The following HECW1 variants were observed in gnomAD, a reference collection of about 807,000 sequenced individuals.
HECW1 encodes HECT, C2 and WW domain containing E3 ubiquitin protein ligase 1.
In HECW1, 61 loss-of-function variants were observed where a neutral mutation model predicts 182.3. The observed-to-expected ratio is 0.33, with a 90% confidence interval of 0.27 to 0.41. The LOEUF (loss-of-function observed/expected upper bound fraction) is 0.41, where lower values mean the gene tolerates loss of function less well. Ranked by LOEUF, HECW1 falls within the 10% of genes least tolerant of loss-of-function variation. The pLI is 1.00. For missense variants in HECW1, 1,739 were observed against 2,108.9 expected (o/e 0.82, Z 3.44); for synonymous variants, 859 against 832.6 (o/e 1.03, Z -0.55).
intron 3 of HECW1, among the ~76,000 whole-genome samples, chr7:43,272,200 G>A (rs1802488590): frequency 6.6e-6 from 1 of 152,022 alleles, no homozygotes; most frequent in Non-Finnish European, 1.5e-5. Context: ...ACTCAAGATG[G>A]ATTAAAGATT....
At chr7:43,440,331 T>G (rs1199888743) in intron 9 of HECW1, 1 of 152,420 alleles carries the variant, frequency 6.6e-6, no homozygotes, top group Non-Finnish European at 1.5e-5. Context: ...TGGGCACACA[T>G]GCACTCTCAT....
chr7:43,275,973 T>C (rs1238122391), intron 3 of HECW1, among the ~76,000 whole-genome samples: 1 of 152,204 alleles, frequency 6.6e-6, no homozygotes, highest in Non-Finnish European at 1.5e-5. Flanking sequence ...TTATAGTGTA[T>C]GGCATTCAAT....
At chr7:43,319,585 TC>T (rs1263325126) in intron 4 of HECW1, among the ~76,000 whole-genome samples, 4 of 106,176 alleles carry the variant, frequency 3.8e-5, no homozygotes, top group African/African-American at 1.6e-4. Flanking sequence ...CCTGTTCTTT[TC>T]CTTTCTTTTC....
chr7:43,372,975 C>A (rs1420692452), intron 6 of HECW1, among the ~76,000 whole-genome samples: 1 of 152,084 alleles, frequency 6.6e-6, no homozygotes, highest in African/African-American at 2.4e-5. Flanking sequence ...AAAGACAAAA[C>A]CAATCAATAC....
At chr7:43,235,969 A>C (rs990944129) in intron 2 of HECW1, among the ~76,000 whole-genome samples, 1 of 151,832 alleles carries the variant, frequency 6.6e-6, no homozygotes, top group Non-Finnish European at 1.5e-5. Context: ...GGGGAGGATC[A>C]CTTGAGCCCA....
At chr7:43,391,207 C>T (rs1166048981) in intron 6 of HECW1, among the ~76,000 whole-genome samples, 1 of 152,180 alleles carries the variant, frequency 6.6e-6, no homozygotes, top group Non-Finnish European at 1.5e-5. Context: ...GGTGAATGCA[C>T]ACTTACACGT....
chr7:43,257,480 G>A (rs1264755628), intron 3 of HECW1, among the ~76,000 whole-genome samples: 9 of 152,098 alleles, frequency 5.9e-5, no homozygotes, highest in Non-Finnish European at 1.2e-4. Context: ...ATTAGGGCCC[G>A]AAGCAAGAGG....
chr7:43,443,193 G>C (rs1209207195), intron 10 of HECW1, among the ~76,000 whole-genome samples: 1 of 152,076 alleles, frequency 6.6e-6, no homozygotes, highest in Admixed American at 6.5e-5. Context: ...TTTTATTTTT[G>C]CTCTTCTTCT....
chr7:43,541,377 G>A, intron 25 of HECW1, 116 bp downstream of exon 25: 1 of 744,372 alleles, frequency 1.3e-6, no homozygotes, highest in Non-Finnish European at 2.4e-6. Context: ...TTCCTGTTAG[G>A]GTTATGGTGG....
intron 2 of HECW1, among the ~76,000 whole-genome samples, chr7:43,144,178 G>A (rs1788457439): frequency 6.6e-6 from 1 of 152,208 alleles, no homozygotes; most frequent in African/African-American, 2.4e-5. Flanking sequence ...TTTATAGAAT[G>A]TTCCTTCATT....
At chr7:43,313,976 G>A (rs1447345019) in intron 4 of HECW1, among the ~76,000 whole-genome samples, 1 of 152,032 alleles carries the variant, frequency 6.6e-6, no homozygotes, top group Non-Finnish European at 1.5e-5. Context: ...TTTGGTTTTG[G>A]TTTGTTTTTT....
At chr7:43,492,040 A>G (rs767960436) in intron 17 of HECW1, 35 bp from the exon 18 acceptor site, 11 of 1,491,600 alleles carry the variant, frequency 7.4e-6, no homozygotes, top group Non-Finnish European at 9.3e-6. Flanking sequence ...AATTGATACA[A>G]ATTTCTAATG....
intron 21 of HECW1, among the ~76,000 whole-genome samples, chr7:43,506,775 A>C (rs1180773363): frequency 1.3e-5 from 2 of 152,072 alleles, no homozygotes; most frequent in Non-Finnish European, 1.5e-5. Flanking sequence ...TACAAAAATT[A>C]ACAAAAATTA....
chr7:43,157,198 A>G (rs1256306066), intron 2 of HECW1, among the ~76,000 whole-genome samples: 1 of 152,204 alleles, frequency 6.6e-6, no homozygotes, highest in East Asian at 1.9e-4. Context: ...GGACACATTA[A>G]ACATTGTGGG....
At chr7:43,499,815 C>CA (rs952296111) in intron 19 of HECW1, among the ~76,000 whole-genome samples, 22 of 151,988 alleles carry the variant, frequency 1.4e-4, no homozygotes, top group African/African-American at 5.3e-4. Flanking sequence ...TAATTTGATC[C>CA]AAAAAAATCC....
chr7:43,478,867 G>T (rs1003485962), intron 16 of HECW1, among the ~76,000 whole-genome samples: 19 of 152,028 alleles, frequency 1.2e-4, no homozygotes, highest in African/African-American at 3.9e-4. Flanking sequence ...CCCAGTAAAG[G>T]CTCTATTGCT....
chr7:43,352,711 AT>A (rs974600398), intron 5 of HECW1, among the ~76,000 whole-genome samples: 1 of 152,202 alleles, frequency 6.6e-6, no homozygotes, highest in African/African-American at 2.4e-5. Flanking sequence ...TGCTAAACAC[AT>A]TTTTTTAAGA....
At chr7:43,181,553 T>C (rs1177706938) in intron 2 of HECW1, among the ~76,000 whole-genome samples, 1 of 150,922 alleles carries the variant, frequency 6.6e-6, no homozygotes, top group Non-Finnish European at 1.5e-5. Context: ...AGTGAGACAG[T>C]ATCTCATTTT....
At chr7:43,267,027 A>G (rs943149493) in intron 3 of HECW1, among the ~76,000 whole-genome samples, 1 of 152,146 alleles carries the variant, frequency 6.6e-6, no homozygotes, top group Non-Finnish European at 1.5e-5. Context: ...TAAAGCAAAA[A>G]CTGCTAGAAG....
Sources: allele counts gnomAD v4.1 joint callset (sites outside exome capture counted in the v4.1 genomes callset), GRCh38; gene constraint gnomAD v4.1.1; transcripts MANE v1.5; gene names NCBI Gene and HGNC (gene_info 2026-07-23, HGNC 2026-07-21).